The following FOCAD variants were observed in gnomAD, a reference collection of about 807,000 sequenced individuals.
FOCAD encodes the protein KIAA1797.
In FOCAD, 198 loss-of-function variants were observed where a neutral mutation model predicts 225.6. The observed-to-expected ratio is 0.88, with a 90% CI of 0.78 to 0.99. The LOEUF is 0.99. FOCAD is among the 50% of genes least tolerant of loss of function. The probability of loss-of-function intolerance (pLI) is 0.00; values close to 1 mark genes in which losing one functional copy is unlikely to be tolerated. For synonymous variants in FOCAD, 897 were observed against 755.0 expected, an observed-to-expected ratio of 1.19 and a Z score of -3.08; for missense variants, 2,713 against 2,123.6, an observed-to-expected ratio of 1.28 and a Z score of -5.46.
intron 15 of FOCAD, among the ~76,000 whole-genome samples, chr9:20,856,899 G>A (rs1828240087): frequency 6.6e-6 from 1 of 151,986 alleles, no homozygotes; most frequent in Non-Finnish European, 1.5e-5. Context: ...GTTCACTGCA[G>A]ATATGTGGAT....
At chr9:20,861,127 A>G (rs1293227028) in intron 15 of FOCAD, among the ~76,000 whole-genome samples, 5 of 152,188 alleles carry the variant, frequency 3.3e-5, no homozygotes, top group African/African-American at 7.2e-5. Flanking sequence ...ATTATCCTCC[A>G]TAGATTCCTC....
intron 10 of FOCAD, among the ~76,000 whole-genome samples, chr9:20,785,780 A>G (rs1008997648): frequency 2.6e-5 from 4 of 152,166 alleles, no homozygotes; most frequent in African/African-American, 9.7e-5. Context: ...GAGGAGTACA[A>G]CTGCTAGGTA....
chr9:20,864,736 C>T (rs530701643), intron 16 of FOCAD, among the ~76,000 whole-genome samples: 49 of 152,174 alleles, frequency 3.2e-4, no homozygotes, highest in African/African-American at 1.2e-3. Flanking sequence ...GTGCTTGCTT[C>T]ACTTATTCAT....
At chr9:20,855,894 A>G (rs536222054) in intron 15 of FOCAD, among the ~76,000 whole-genome samples, 3 of 147,808 alleles carry the variant, frequency 2.0e-5, no homozygotes, top group East Asian at 4.0e-4. Flanking sequence ...CTCCAGTTCC[A>G]TCTATGTTGT....
At chr9:20,957,432 A>G (rs939624819) in intron 35 of FOCAD, 1 of 133,148 alleles carries the variant, frequency 7.5e-6, no homozygotes, top group African/African-American at 2.8e-5. Context: ...TCATTTTCGT[A>G]TTGGTCATTT....
Position 20,946,751 on chromosome 9 carries a change from A to C in FOCAD, c.3606A>C (p.Gly1202=). Residue 1202 remains glycine, a synonymous_variant, in exon 30 of 44, where the codon GGA becomes GGC. Coordinates refer to ENST00000338382, the MANE Select transcript of FOCAD (RefSeq NM_001375567.1). ...SCVCTSAFSA[G]IIEATEAEDV... ...TATGTACATCAGCGTTCAGTGCTGG[A>C]ATTATTGAGGCTACAGAGGCTGAGG... The C allele has an allele frequency of 6.2e-7, 1 of 1,613,832 alleles. No individual in the cohort carries two copies. The highest frequency in any genetic ancestry group is 8.5e-7 in the Non-Finnish European group (1 of 1,179,792).
intron 4 of FOCAD, among the ~76,000 whole-genome samples, chr9:20,728,396 T>G (rs1826391369): frequency 6.6e-6 from 1 of 152,202 alleles, no homozygotes; most frequent in Admixed American, 6.5e-5. Flanking sequence ...TTTAAATAAC[T>G]TTGTGCATGA....
chr9:20,668,934 C>T (rs1004087425), intron 2 of FOCAD, among the ~76,000 whole-genome samples: 6 of 151,704 alleles, frequency 4.0e-5, no homozygotes, highest in African/African-American at 9.7e-5. Flanking sequence ...TCTAGGTTCA[C>T]GGTTAGCCTC....
At chr9:20,751,104 T>A (rs935287955) in intron 5 of FOCAD, among the ~76,000 whole-genome samples, 1 of 152,096 alleles carries the variant, frequency 6.6e-6, no homozygotes, top group African/African-American at 2.4e-5. Context: ...CTTTTGATTC[T>A]TTTAATTCAG....
chr9:20,704,472 C>G (rs1824218310), intron 1 of FOCAD, among the ~76,000 whole-genome samples: 1 of 152,122 alleles, frequency 6.6e-6, no homozygotes, highest in Non-Finnish European at 1.5e-5. Context: ...TGCCAATAAA[C>G]TTGTAATCAG....
intron 38 of FOCAD, 86 bp from the exon 39 acceptor site, chr9:20,982,271 G>A: frequency 2.1e-6 from 2 of 958,612 alleles, no homozygotes; most frequent in Non-Finnish European, 1.6e-6. Context: ...TGTTCATGGG[G>A]ATAAGAAAAT....
intron 5 of FOCAD, among the ~76,000 whole-genome samples, chr9:20,741,698 T>TTTTA (rs398010447): frequency 1.3e-4 from 19 of 149,796 alleles, no homozygotes; most frequent in African/African-American, 2.0e-4. Context: ...TTTTTTTTTT[T>TTTTA]AACATAGTGG....
At chr9:20,704,877 C>A (rs942903363) in intron 1 of FOCAD, among the ~76,000 whole-genome samples, 1 of 152,066 alleles carries the variant, frequency 6.6e-6, no homozygotes, top group Non-Finnish European at 1.5e-5. Flanking sequence ...ATTAAAATTA[C>A]AAAACACATA....
chr9:20,661,236 C>T (rs1821709950), intron 2 of FOCAD, among the ~76,000 whole-genome samples: 1 of 152,202 alleles, frequency 6.6e-6, no homozygotes. Context: ...CAACCAAAGA[C>T]TAGTAAAAGG....
intron 15 of FOCAD, among the ~76,000 whole-genome samples, chr9:20,860,286 G>A (rs903712723): frequency 1.1e-4 from 17 of 151,972 alleles, no homozygotes; most frequent in African/African-American, 2.9e-4. Flanking sequence ...TCGTTGTCAC[G>A]TTTCTGTATT....
chr9:20,951,038 G>C lies in FOCAD; in HGVS notation c.3991G>C (p.Val1331Leu), dbSNP rs749647717. 6.2e-7 allele frequency: 1 copy of C among 1,613,524 alleles called. No individual in the cohort carries two copies. Among genetic ancestry groups the C allele is most frequent in the Admixed American group, 1.7e-5 (1 of 59,976 alleles). Residue 1331 changes from valine to leucine, a missense_variant, in exon 34 of 44, where the codon GTC (valine) becomes CTC (leucine). Transcript: ENST00000338382. ...GGTGATTGGTCTCCAGTCAAATGCAGTCTGGCTTCTTGGACATCTTCATCT... is the reference window on the plus strand; with the variant it reads ...GGTGATTGGTCTCCAGTCAAATGCACTCTGGCTTCTTGGACATCTTCATCT... ...SGVIGLQSNAVWLLGHLHLST... is the reference protein window; with the variant it reads ...SGVIGLQSNALWLLGHLHLST...
chr9:20,803,769 C>G (rs988613022), intron 11 of FOCAD, among the ~76,000 whole-genome samples: 1 of 152,102 alleles, frequency 6.6e-6, no homozygotes, highest in Non-Finnish European at 1.5e-5. Flanking sequence ...CCCCTTGGGA[C>G]CTGTTCGAGG....
intron 11 of FOCAD, among the ~76,000 whole-genome samples, chr9:20,810,967 A>C (rs969078007): frequency 6.6e-6 from 1 of 152,074 alleles, no homozygotes; most frequent in Non-Finnish European, 1.5e-5. Context: ...TGTTTTTGGC[A>C]TCCTAGTAAC....
At chr9:20,946,875 T>G (rs961934871) in intron 30 of FOCAD, 55 bp downstream of exon 30, 5 of 1,600,972 alleles carry the variant, frequency 3.1e-6, no homozygotes, top group Non-Finnish European at 4.3e-6. Flanking sequence ...TGCTGCTAAG[T>G]TTTGCTTTTG....
Sources: allele counts gnomAD v4.1 joint callset (sites outside exome capture counted in the v4.1 genomes callset), GRCh38; gene constraint gnomAD v4.1.1; transcripts MANE v1.5; gene names NCBI Gene and HGNC (gene_info 2026-07-23, HGNC 2026-07-21).